Variants in PPARGC1A observed in about 807,000 individuals in gnomAD.
PPARGC1A encodes the protein PPARG coactivator 1 alpha.
A neutral mutation model predicts 88.7 loss-of-function variants in PPARGC1A; 25 were observed. The observed-to-expected ratio is 0.28, with a 90% CI of 0.21 to 0.39. The LOEUF (loss-of-function observed/expected upper bound fraction) is 0.39, where lower values mean the gene tolerates loss of function less well. Ranked by LOEUF, PPARGC1A falls within the 10% of genes least tolerant of loss-of-function variation. The pLI, the probability that PPARGC1A is intolerant of heterozygous loss-of-function variation, is 1.00. For missense variants in PPARGC1A, 880 were observed against 968.7 expected (o/e 0.91, Z 1.22); for synonymous variants, 363 against 355.6 (o/e 1.02, Z -0.24).
the PPARGC1A span, among the ~76,000 whole-genome samples, chr4:24,234,707 T>C: frequency 6.6e-6 from 1 of 152,218 alleles, no homozygotes; most frequent in Non-Finnish European, 1.5e-5. Context: ...GATCCACCTT[T>C]ACATAGAAGT....
At chr4:24,230,950 T>TTAAA in the PPARGC1A span, among the ~76,000 whole-genome samples, 2 of 138,776 alleles carry the variant, frequency 1.4e-5, 1 homozygote, top group East Asian at 4.4e-4. Flanking sequence ...CAGAATTTAT[T>TTAAA]AAAAAAAATA....
the PPARGC1A span, among the ~76,000 whole-genome samples, chr4:23,999,151 G>A: frequency 2.0e-5 from 3 of 151,936 alleles, no homozygotes; most frequent in African/African-American, 7.3e-5. Context: ...GAATACCAAG[G>A]GCCTCTTCCT....
At chr4:24,368,940 G>A in the PPARGC1A span, among the ~76,000 whole-genome samples, 1 of 152,078 alleles carries the variant, frequency 6.6e-6, no homozygotes, top group Non-Finnish European at 1.5e-5. Flanking sequence ...GACACACAGA[G>A]TCTCCTGACA....
chr4:24,403,364 T>C, the PPARGC1A span, among the ~76,000 whole-genome samples: 21 of 152,090 alleles, frequency 1.4e-4, no homozygotes, highest in Admixed American at 1.4e-3. Context: ...TGAGAAGAAA[T>C]AGGAGTATTT....
the PPARGC1A span, among the ~76,000 whole-genome samples, chr4:24,296,004 A>ATGTGTGTATATATG: frequency 6.6e-6 from 1 of 150,472 alleles, no homozygotes; most frequent in Non-Finnish European, 1.5e-5. Flanking sequence ...ATGTGTATGT[A>ATGTGTGTATATATG]TGTGTGTATA....
chr4:24,215,695 A>T, the PPARGC1A span, among the ~76,000 whole-genome samples: 1 of 152,238 alleles, frequency 6.6e-6, no homozygotes, highest in African/African-American at 2.4e-5. Flanking sequence ...TACCATATGA[A>T]CATCCATGGT....
At chr4:24,137,798 C>T in the PPARGC1A span, among the ~76,000 whole-genome samples, 3 of 152,146 alleles carry the variant, frequency 2.0e-5, no homozygotes, top group African/African-American at 4.8e-5. Context: ...CAGATCATTG[C>T]GTACAAGCAA....
chr4:23,963,760 C>T, the PPARGC1A span, among the ~76,000 whole-genome samples: 1 of 152,166 alleles, frequency 6.6e-6, no homozygotes, highest in African/African-American at 2.4e-5. Context: ...TCATGAACCC[C>T]CTTTCCTGGT....
the PPARGC1A span, among the ~76,000 whole-genome samples, chr4:24,198,264 T>C: frequency 6.6e-6 from 1 of 152,236 alleles, no homozygotes; most frequent in African/African-American, 2.4e-5. Flanking sequence ...GTTTCAAGCA[T>C]AATATGCATG....
At chr4:24,192,885 T>C in the PPARGC1A span, among the ~76,000 whole-genome samples, 1 of 151,632 alleles carries the variant, frequency 6.6e-6, no homozygotes, top group Non-Finnish European at 1.5e-5. Flanking sequence ...AAATCTGTAT[T>C]ATGTTTTCAG....
upstream of PPARGC1A, chr4:23,890,222 A>T (rs1717623495): frequency 2.1e-6 from 1 of 485,478 alleles, no homozygotes; most frequent in Non-Finnish European, 3.2e-6. Flanking sequence ...CGCTTTAAAA[A>T]AAAAAAAAAA....
the PPARGC1A span, among the ~76,000 whole-genome samples, chr4:24,402,238 T>C: frequency 6.6e-6 from 1 of 152,124 alleles, no homozygotes; most frequent in African/African-American, 2.4e-5. Flanking sequence ...GGTTGAGCGG[T>C]GGAGAGAGAT....
At chr4:24,368,771 C>A in the PPARGC1A span, among the ~76,000 whole-genome samples, 3 of 152,138 alleles carry the variant, frequency 2.0e-5, no homozygotes, top group Non-Finnish European at 4.4e-5. Context: ...ACCTAGCATG[C>A]ATGAAAGACA....
chr4:24,393,686 C>T, the PPARGC1A span, among the ~76,000 whole-genome samples: 1 of 152,162 alleles, frequency 6.6e-6, no homozygotes, highest in Non-Finnish European at 1.5e-5. Flanking sequence ...TTCCTGCTGC[C>T]CCATTTCTGT....
chr4:23,909,340 C>A, the PPARGC1A span, among the ~76,000 whole-genome samples: 1 of 152,088 alleles, frequency 6.6e-6, no homozygotes, highest in Non-Finnish European at 1.5e-5. Context: ...ATGACTGGTG[C>A]CCTACGTTGG....
chr4:24,138,521 T>G, the PPARGC1A span, among the ~76,000 whole-genome samples: 3 of 152,208 alleles, frequency 2.0e-5, no homozygotes, highest in Non-Finnish European at 4.4e-5. Context: ...GGCTGTTTGT[T>G]TTGGGGCCTC....
chr4:24,143,562 T>C, the PPARGC1A span, among the ~76,000 whole-genome samples: 1 of 152,130 alleles, frequency 6.6e-6, no homozygotes, highest in Non-Finnish European at 1.5e-5. Flanking sequence ...ATAAATAGCT[T>C]TTGTAACAAA....
the PPARGC1A span, among the ~76,000 whole-genome samples, chr4:24,025,661 G>A: frequency 6.8e-6 from 1 of 147,904 alleles, no homozygotes; most frequent in African/African-American, 2.5e-5. Context: ...AGGAAATAAG[G>A]TATGGATATT....
chr4:24,086,689 G>A, the PPARGC1A span, among the ~76,000 whole-genome samples: 1 of 152,172 alleles, frequency 6.6e-6, no homozygotes, highest in African/African-American at 2.4e-5. Context: ...GATGTGCTTT[G>A]CACATGGGGG....
Sources: allele counts gnomAD v4.1 joint callset (sites outside exome capture counted in the v4.1 genomes callset), GRCh38; gene constraint gnomAD v4.1.1; transcripts MANE v1.5; gene names NCBI Gene and HGNC (gene_info 2026-07-23, HGNC 2026-07-21).